Variants in CHRM3 observed in about 807,000 individuals in gnomAD.
The protein encoded by CHRM3 is muscarinic acetylcholine receptor M3.
CHRM3 carries 11 observed loss-of-function variants against 41.8 expected under a neutral mutation model. That is an observed-to-expected ratio of 0.26 (90% CI 0.17 to 0.44). The LOEUF (loss-of-function observed/expected upper bound fraction) is 0.44. Among genes scored for constraint, CHRM3 ranks in the 20% least tolerant of loss-of-function variants. The pLI, the probability that CHRM3 is intolerant of heterozygous loss-of-function variation, is 1.00. For missense variants in CHRM3, 571 were observed against 745.4 expected, an observed-to-expected ratio of 0.77 and a Z score of 2.72; for synonymous variants, 297 against 301.4, an observed-to-expected ratio of 0.99 and a Z score of 0.15.
chr1:239,895,407 C>T (rs1205908884), intron 6 of CHRM3, among the ~76,000 whole-genome samples: 5 of 152,230 alleles, frequency 3.3e-5, no homozygotes, highest in African/African-American at 1.2e-4. Context: ...ACACAACCTC[C>T]ATTCCTGCCT....
chr1:239,838,490 C>T (rs1291639028), intron 6 of CHRM3, among the ~76,000 whole-genome samples: 1 of 152,162 alleles, frequency 6.6e-6, no homozygotes, highest in Non-Finnish European at 1.5e-5. Flanking sequence ...TTCTCTCATT[C>T]CTCCTCTTAG....
At chr1:239,895,088 A>G (rs34194912) in intron 6 of CHRM3, among the ~76,000 whole-genome samples, 64,189 of 151,810 alleles carry the variant, frequency 0.42, 13,854 homozygotes, top group Non-Finnish European at 0.47. Flanking sequence ...TGTGTCCATG[A>G]CCAGATGGAC....
chr1:239,638,413 C>G (rs1303623490), intron 4 of CHRM3, among the ~76,000 whole-genome samples: 1 of 152,084 alleles, frequency 6.6e-6, no homozygotes, highest in Non-Finnish European at 1.5e-5. Flanking sequence ...TCCACATCCT[C>G]TCCAGCACCT....
chr1:239,516,084 A>G (rs1669248246), intron 2 of CHRM3, among the ~76,000 whole-genome samples: 1 of 152,152 alleles, frequency 6.6e-6, no homozygotes, highest in South Asian at 2.1e-4. Flanking sequence ...AGATTGCCAG[A>G]AAGCTGAGCT....
intron 3 of CHRM3, among the ~76,000 whole-genome samples, chr1:239,600,373 C>G (rs1206825741): frequency 6.6e-6 from 1 of 151,886 alleles, no homozygotes; most frequent in Non-Finnish European, 1.5e-5. Flanking sequence ...CAGCCATACT[C>G]CATTTCGCCT....
intron 4 of CHRM3, among the ~76,000 whole-genome samples, chr1:239,649,418 A>C (rs1558419005): frequency 6.6e-6 from 1 of 152,252 alleles, no homozygotes; most frequent in Admixed American, 6.5e-5. Context: ...TTAACTACCC[A>C]GATGGACCTA....
chr1:239,553,953 A>G (rs776538611), intron 3 of CHRM3, among the ~76,000 whole-genome samples: 21 of 152,096 alleles, frequency 1.4e-4, no homozygotes, highest in Non-Finnish European at 2.5e-4. Context: ...CAGTGGCATG[A>G]TCTCGGTTCA....
At chr1:239,653,968 T>A (rs951164103) in intron 4 of CHRM3, among the ~76,000 whole-genome samples, 4 of 152,190 alleles carry the variant, frequency 2.6e-5, no homozygotes, top group Non-Finnish European at 5.9e-5. Flanking sequence ...TTTAATTTTT[T>A]AAAATTTTTA....
At chr1:239,767,762 T>C (rs907322236) in intron 5 of CHRM3, among the ~76,000 whole-genome samples, 1 of 152,212 alleles carries the variant, frequency 6.6e-6, no homozygotes, top group Non-Finnish European at 1.5e-5. Flanking sequence ...GAAGATCACA[T>C]AATTTGTAAC....
intron 4 of CHRM3, among the ~76,000 whole-genome samples, chr1:239,643,495 G>C (rs576315278): frequency 6.6e-6 from 1 of 152,158 alleles, no homozygotes; most frequent in Non-Finnish European, 1.5e-5. Flanking sequence ...CCCCAGCCGC[G>C]CTGCCGCCTT....
At chr1:239,529,108 CT>C (rs1404101365) in intron 2 of CHRM3, among the ~76,000 whole-genome samples, 1 of 151,836 alleles carries the variant, frequency 6.6e-6, no homozygotes, top group East Asian at 1.9e-4. Flanking sequence ...AAATGGTTGC[CT>C]TTCAAGAAAA....
intron 6 of CHRM3, among the ~76,000 whole-genome samples, chr1:239,879,184 G>A (rs990213794): frequency 1.3e-5 from 2 of 152,072 alleles, no homozygotes; most frequent in African/African-American, 4.8e-5. Flanking sequence ...AGGCTGGAGT[G>A]CAATGGCCTG....
intron 1 of CHRM3, among the ~76,000 whole-genome samples, chr1:239,477,144 T>A (rs1666520005): frequency 6.6e-6 from 1 of 152,220 alleles, no homozygotes; most frequent in Non-Finnish European, 1.5e-5. Flanking sequence ...AATAGTGAAT[T>A]AAATTAGTGC....
rs1004558491 is a variant in CHRM3 at position 239,387,442 on chromosome 1, C to T, written c.-521+215C>T. 9.2e-5 allele frequency among the ~76,000 whole-genome samples: 14 copies of T among 152,040 alleles called. No individual in the cohort carries two copies. The highest frequency in any genetic ancestry group is 7.2e-4 in the Admixed American group (11 of 15,266). On this transcript the variant is annotated intron_variant, in intron 1 of 6. Transcript: ENST00000676153. The surrounding 1 kb of genome is among the most constrained non-coding windows in gnomAD (Gnocchi z 5.1). ...GGCACTTGAATTCCGACAGCGCGAT[C>T]TGGTGCGGAGTTGGAGTTCTGGGAC... is the stretch of plus-strand genomic sequence containing the variant.
At chr1:239,845,842 T>A (rs12086638) in intron 6 of CHRM3, among the ~76,000 whole-genome samples, 4,771 of 152,334 alleles carry the variant, frequency 0.031, 256 homozygotes, top group African/African-American at 0.11. Context: ...AGTTCTTGCT[T>A]ACTCTTTTTA....
At chr1:239,593,514 T>C (rs2041520411) in intron 3 of CHRM3, among the ~76,000 whole-genome samples, 1 of 152,196 alleles carries the variant, frequency 6.6e-6, no homozygotes, top group South Asian at 2.1e-4. Flanking sequence ...TTATTTCATT[T>C]GTCTGAGATC....
intron 3 of CHRM3, among the ~76,000 whole-genome samples, chr1:239,567,597 C>T (rs1297335405): frequency 2.0e-5 from 3 of 152,102 alleles, no homozygotes; most frequent in Non-Finnish European, 4.4e-5. Flanking sequence ...TCAGGTACTC[C>T]TCATTCTCTG....
intron 2 of CHRM3, among the ~76,000 whole-genome samples, chr1:239,533,031 G>A (rs1462392597): frequency 6.6e-6 from 1 of 151,934 alleles, no homozygotes; most frequent in East Asian, 1.9e-4. Context: ...ATATTATGAA[G>A]CACTTTCATT....
chr1:239,710,246 A>G (rs2148206018), intron 5 of CHRM3, among the ~76,000 whole-genome samples: 1 of 152,260 alleles, frequency 6.6e-6, no homozygotes, highest in South Asian at 2.1e-4. Context: ...ATGCATATAG[A>G]TACTCTCTAT....
Sources: allele counts gnomAD v4.1 joint callset (sites outside exome capture counted in the v4.1 genomes callset), GRCh38; gene constraint gnomAD v4.1.1; non-coding constraint Gnocchi (gnomAD v3.1); transcripts MANE v1.5; gene names NCBI Gene and HGNC (gene_info 2026-07-23, HGNC 2026-07-21).